The following PKD1L3 variants were observed in gnomAD, a reference collection of about 807,000 sequenced individuals.
The protein encoded by PKD1L3 is polycystin-1-like protein 3.
PKD1L3 carries 239 observed loss-of-function variants against 184.1 expected under a neutral mutation model. That is an observed-to-expected ratio of 1.30 (90% confidence interval 1.17 to 1.45). The LOEUF is 1.45. Ranked by LOEUF, PKD1L3 falls within the 40% of genes most tolerant of loss-of-function variation. The pLI, the probability that PKD1L3 is intolerant of heterozygous loss-of-function variation, is 0.00. For missense variants in PKD1L3, 2,660 were observed against 2,067.2 expected, an observed-to-expected ratio of 1.29 and a Z score of -5.56; for synonymous variants, 996 against 778.8, an observed-to-expected ratio of 1.28 and a Z score of -4.64.
At chr16:71,944,918 C>T (rs2038508115) in intron 22 of PKD1L3, among the ~76,000 whole-genome samples, 1 of 150,496 alleles carries the variant, frequency 6.6e-6, no homozygotes, top group East Asian at 2.0e-4. Context: ...AGGCTGATCT[C>T]GAACTCCTAC....
chr16:71,935,292 T>C (rs901919213), intron 26 of PKD1L3, 66 bp downstream of exon 26: 93 of 1,448,936 alleles, frequency 6.4e-5, no homozygotes, highest in Non-Finnish European at 8.2e-5. Flanking sequence ...GAAGAATACT[T>C]GTGTATAAAC....
intron 11 of PKD1L3, among the ~76,000 whole-genome samples, 185 bp downstream of exon 11, chr16:71,977,049 ATT>A (rs888096474): frequency 2.0e-5 from 3 of 152,080 alleles, no homozygotes; most frequent in Admixed American, 6.6e-5. Flanking sequence ...GGCCCACAAA[ATT>A]TTTTTTAAGA....
intron 5 of PKD1L3, among the ~76,000 whole-genome samples, 186 bp downstream of exon 5, chr16:71,986,035 C>T (rs938656540): frequency 2.0e-5 from 3 of 152,280 alleles, no homozygotes; most frequent in East Asian, 1.9e-4. Flanking sequence ...ATTAATGAAA[C>T]GTTGGGCTGT....
chr16:71,960,081 T>C (rs2039212080), intron 16 of PKD1L3, among the ~76,000 whole-genome samples: 1 of 151,538 alleles, frequency 6.6e-6, no homozygotes, highest in Admixed American at 6.6e-5. Flanking sequence ...GTGATCCATG[T>C]CACAGCACTC....
intron 4 of PKD1L3, among the ~76,000 whole-genome samples, 199 bp downstream of exon 4, chr16:71,990,081 C>T (rs1597374647): frequency 9.4e-6 from 1 of 106,760 alleles, no homozygotes; most frequent in South Asian, 2.8e-4. Context: ...CCTGTCTCTC[C>T]CACCAAAAAA....
Position 72,000,129 on chromosome 16 carries a change from C to T in PKD1L3, c.-151G>A, listed in dbSNP as rs923400516. Among the ~76,000 whole-genome samples the T allele has an allele frequency of 2.0e-5, 3 of 148,330 alleles. No homozygotes were observed. Among genetic ancestry groups the T allele is most frequent in the Non-Finnish European group, 4.4e-5 (3 of 67,980 alleles). On this transcript the variant is annotated 5_prime_UTR_variant, in exon 1 of 30. Coordinates refer to ENST00000620267, the MANE Select transcript of PKD1L3 (RefSeq NM_181536.2). ...ATACAAAAGGTTTTGTTTTGAGGAC[C>T]CAGGTGCAGGTCCTACAAGCTGAAA...
In PKD1L3 at chr16:71,993,325, A is replaced by G; in HGVS notation, c.426T>C (p.Phe142=). 6.5e-7 allele frequency: 1 copy of G among 1,543,198 alleles called. No homozygotes were observed. ...TTTCATAATGGGCATCTCCGTCCAA[A>G]AAGTCACCTATTTGAAAGCCAACAC... is the stretch of plus-strand genomic sequence containing the variant. ...KYYFICQTGD[F]LDGDAHYERN... The change falls in exon 3 of 30, where the codon TTT becomes TTC. Residue 142 remains phenylalanine (F), a synonymous_variant. Transcript: ENST00000620267.
At position 71,995,204 on chromosome 16, in the gene PKD1L3, C is replaced by G. The variant is rs138228140; in HGVS notation, c.419-1872G>C. Among the ~76,000 whole-genome samples the G allele has an allele frequency of 4.1e-4, 63 of 152,228 alleles. 2 individuals carry two copies. In the East Asian group the frequency reaches 0.012, roughly 29 times the overall value. On this transcript the variant is annotated intron_variant, in intron 2 of 29. Transcript: ENST00000620267. Reference sequence around the variant, plus strand: ...TGAAAAGGCAAGAGAAGCCCTCCCTCTGCCAAGTCCTTTTATAAGGGCCCC... The same window carrying G: ...TGAAAAGGCAAGAGAAGCCCTCCCTGTGCCAAGTCCTTTTATAAGGGCCCC...
At chr16:71,933,887 A>G (rs1441919235) in intron 27 of PKD1L3, 28 bp downstream of exon 27, 4 of 1,545,410 alleles carry the variant, frequency 2.6e-6, no homozygotes, top group South Asian at 1.2e-5. Flanking sequence ...GCACACGGAG[A>G]AGGAGAGACA....
At chr16:71,933,886 G>T in intron 27 of PKD1L3, 29 bp downstream of exon 27, 1 of 1,545,248 alleles carries the variant, frequency 6.5e-7, no homozygotes, top group Non-Finnish European at 8.8e-7. Flanking sequence ...AGCACACGGA[G>T]AAGGAGAGAC....
intron 24 of PKD1L3, among the ~76,000 whole-genome samples, chr16:71,942,218 G>T (rs1310600879): frequency 2.6e-5 from 4 of 152,076 alleles, no homozygotes; most frequent in Non-Finnish European, 5.9e-5. Context: ...TGTAATCCCA[G>T]TTACTTGGGA....
intron 16 of PKD1L3, among the ~76,000 whole-genome samples, chr16:71,962,438 C>G (rs2039316683): frequency 6.6e-6 from 1 of 152,150 alleles, no homozygotes; most frequent in Non-Finnish European, 1.5e-5. Flanking sequence ...TTATACCGTT[C>G]TCCTGGTCTG....
intron 12 of PKD1L3, among the ~76,000 whole-genome samples, chr16:71,970,500 T>C (rs946953658): frequency 2.8e-4 from 43 of 152,222 alleles, no homozygotes; most frequent in African/African-American, 9.6e-4. Flanking sequence ...GATTGAATTC[T>C]ATACAGCAGT....
At chr16:71,983,417 G>A (rs1228623045) in intron 6 of PKD1L3, among the ~76,000 whole-genome samples, 1 of 152,120 alleles carries the variant, frequency 6.6e-6, no homozygotes, top group African/African-American at 2.4e-5. Context: ...AAAGTGCTGG[G>A]ACTACAGGTG....
chr16:71,989,167 G>A (rs2040492306), intron 4 of PKD1L3, among the ~76,000 whole-genome samples: 1 of 152,098 alleles, frequency 6.6e-6, no homozygotes, highest in South Asian at 2.1e-4. Context: ...GTTTTGTTTT[G>A]TTTTTGAGAT....
intron 13 of PKD1L3, among the ~76,000 whole-genome samples, chr16:71,968,994 G>C (rs998747631): frequency 6.0e-5 from 9 of 151,090 alleles, no homozygotes; most frequent in East Asian, 1.9e-4. Context: ...GGGCAATCTC[G>C]ATCTCAGCTC....
At chr16:71,954,519 G>C (rs2143423306) in intron 16 of PKD1L3, among the ~76,000 whole-genome samples, 1 of 152,148 alleles carries the variant, frequency 6.6e-6, no homozygotes, top group East Asian at 1.9e-4. Flanking sequence ...GTTGTTTTAG[G>C]ATAAAAGGTT....
chr16:71,977,486 A>T lies in PKD1L3; in HGVS notation c.1528-19T>A. ...GCATGATCTAGAATAAGAGACAGTT[A>T]ATCATTATAATGGTCCATCCATTGA... On this transcript the variant is annotated intron_variant, in intron 10 of 29. Transcript: ENST00000620267. 1 of 1,498,684 alleles carries T rather than the reference A, an allele frequency of 6.7e-7. No individual in the cohort carries two copies. Among genetic ancestry groups the T allele is most frequent in the East Asian group, 2.5e-5 (1 of 40,622 alleles). The allele number at this position is 1,498,684 out of a possible 1,614,324, so 92.8% of individuals were successfully genotyped here. A position where few individuals can be genotyped will look rare whatever the true frequency, so the allele number is the denominator to read the frequency against.
At chr16:71,991,296 G>T (rs766435125) in intron 3 of PKD1L3, 3 of 228,990 alleles carry the variant, frequency 1.3e-5, no homozygotes, top group Non-Finnish European at 3.0e-5. Flanking sequence ...AAAGTCTTGT[G>T]AGAAGACATG....
Sources: gnomAD v4.1 joint callset for allele counts (sites outside exome capture counted in the v4.1 genomes callset) on GRCh38, gnomAD v4.1.1 for gene constraint, MANE v1.5 for transcripts, NCBI Gene and HGNC (gene_info 2026-07-23, HGNC 2026-07-21) for gene names.